The following EFCAB6 variants were observed in gnomAD, a reference collection of about 807,000 sequenced individuals.
EFCAB6 encodes the protein EF-hand calcium binding domain 6.
A neutral mutation model predicts 169.8 loss-of-function variants in EFCAB6; 156 were observed. The ratio of observed to expected loss-of-function variants is 0.92; its 90% CI spans 0.81 to 1.05. EFCAB6 has a LOEUF of 1.05. Among genes scored for constraint, EFCAB6 ranks in the 50% least tolerant of loss-of-function variants. EFCAB6 has a pLI of 0.00. For missense variants in EFCAB6, 1,800 were observed against 1,829.1 expected (o/e 0.98, Z 0.29); for synonymous variants, 698 against 676.4 (o/e 1.03, Z -0.50).
chr22:43,668,949 T>G lies in EFCAB6; in HGVS notation c.1737A>C (p.Pro579=). 1 of 1,613,570 alleles carries G rather than the reference T, an allele frequency of 6.2e-7. No homozygotes were observed. The highest frequency in any genetic ancestry group is 8.5e-7 in the Non-Finnish European group (1 of 1,179,756). The change falls in exon 16 of 32, where the codon CCA becomes CCC. Residue 579 remains proline, a synonymous_variant. Transcript: ENST00000262726. ...ACAGCTGATCCTTTGGAACAAGAACTGGAGAGACAGTGGGTGGGCCATCAA... is the reference window on the plus strand; with the variant it reads ...ACAGCTGATCCTTTGGAACAAGAACGGGAGAGACAGTGGGTGGGCCATCAA... ...IGIDGPPTVS[P]VLVPKDQLLS... is the part of the protein sequence containing the mutation.
intron 2 of EFCAB6, among the ~76,000 whole-genome samples, chr22:43,785,561 GA>G (rs35410222): frequency 0.24 from 36,587 of 151,848 alleles, 5,314 homozygotes; most frequent in East Asian, 0.61. Flanking sequence ...TTAAAAAGAA[GA>G]AAATCTCAAA....
intron 21 of EFCAB6, among the ~76,000 whole-genome samples, chr22:43,609,456 T>A (rs1451334024): frequency 6.6e-6 from 1 of 152,196 alleles, no homozygotes; most frequent in African/African-American, 2.4e-5. Flanking sequence ...AAGAGGTGAA[T>A]TTAGCAAGCA....
intron 22 of EFCAB6, among the ~76,000 whole-genome samples, chr22:43,607,560 T>C (rs2053011568): frequency 6.6e-6 from 1 of 152,232 alleles, no homozygotes; most frequent in Non-Finnish European, 1.5e-5. Context: ...AACTGGACCC[T>C]GTGTTGGAAC....
chr22:43,530,410 G>T, intron 31 of EFCAB6: 1 of 648,698 alleles, frequency 1.5e-6, no homozygotes, highest in Non-Finnish European at 1.9e-6. Flanking sequence ...GCAGGGGCAG[G>T]GCTCACTTTG....
chr22:43,655,118 G>A (rs1043629723), intron 17 of EFCAB6, among the ~76,000 whole-genome samples: 11 of 152,028 alleles, frequency 7.2e-5, no homozygotes, highest in African/African-American at 1.2e-4. Flanking sequence ...TTAGCTGGGC[G>A]TGGTGGCAGG....
At chr22:43,665,347 C>G (rs1308038926) in intron 17 of EFCAB6, among the ~76,000 whole-genome samples, 1 of 152,184 alleles carries the variant, frequency 6.6e-6, no homozygotes, top group Non-Finnish European at 1.5e-5. Context: ...AGGTAAGGAG[C>G]TGCTCTTGGA....
chr22:43,735,329 CCG>C (rs2060093243), intron 7 of EFCAB6, among the ~76,000 whole-genome samples: 1 of 148,360 alleles, frequency 6.7e-6, no homozygotes, highest in Non-Finnish European at 1.5e-5. Context: ...CACCCTCCTG[CCG>C]CACACCCCAC....
chr22:43,579,542 A>G (rs558075228), intron 25 of EFCAB6, among the ~76,000 whole-genome samples: 9 of 151,100 alleles, frequency 6.0e-5, no homozygotes, highest in African/African-American at 2.2e-4. Flanking sequence ...ATCATTCCGT[A>G]CACGCAGGCA....
chr22:43,784,676 T>TATACACACAC (rs1439765812), intron 2 of EFCAB6, among the ~76,000 whole-genome samples: 3 of 63,134 alleles, frequency 4.8e-5, no homozygotes, highest in African/African-American at 1.6e-4. Flanking sequence ...TATACATATA[T>TATACACACAC]ACACACACAC....
chr22:43,660,530 C>T (rs981451003), intron 17 of EFCAB6, among the ~76,000 whole-genome samples: 17 of 150,662 alleles, frequency 1.1e-4, no homozygotes, highest in Non-Finnish European at 4.4e-5. Flanking sequence ...AATAAGTATA[C>T]ATATTTATAT....
At chr22:43,708,944 T>C (rs1018284840) in intron 10 of EFCAB6, among the ~76,000 whole-genome samples, 2 of 151,996 alleles carry the variant, frequency 1.3e-5, no homozygotes, top group Admixed American at 6.6e-5. Flanking sequence ...AATCCCTAGG[T>C]CCCTCGCTAG....
intron 27 of EFCAB6, among the ~76,000 whole-genome samples, chr22:43,549,627 C>T (rs1330020548): frequency 6.6e-6 from 1 of 152,208 alleles, no homozygotes; most frequent in African/African-American, 2.4e-5. Flanking sequence ...CAGCTCCAAT[C>T]TTACCCAAAT....
Position 43,716,845 on chromosome 22 carries a change from T to C in EFCAB6, c.882+3A>G. 6.2e-7 allele frequency: 1 copy of C among 1,602,078 alleles called. No homozygotes were observed. The highest frequency in any genetic ancestry group is 1.1e-5 in the South Asian group (1 of 87,810). ...GTAATTGTGGCTTAGGAAAACATCT[T>C]ACTTGTAGACAAAAGTTCCTCTCAA... On this transcript the variant is annotated splice_donor_region_variant and intron_variant, in intron 9 of 31. Coordinates refer to ENST00000262726, the MANE Select transcript of EFCAB6 (RefSeq NM_022785.4).
intron 10 of EFCAB6, among the ~76,000 whole-genome samples, chr22:43,690,343 C>CAAA (rs137802): frequency 0.019 from 1,788 of 95,708 alleles, 41 homozygotes; most frequent in African/African-American, 0.03. Context: ...ACTAAAAATA[C>CAAA]AAAAAAAAAA....
At chr22:43,673,506 T>C (rs1374103938) in intron 13 of EFCAB6, among the ~76,000 whole-genome samples, 1 of 152,202 alleles carries the variant, frequency 6.6e-6, no homozygotes, top group East Asian at 1.9e-4. Flanking sequence ...CCAGGCACAG[T>C]GGCTCAAGCC....
At chr22:43,685,065 T>C (rs1333135587) in intron 11 of EFCAB6, among the ~76,000 whole-genome samples, 1 of 152,226 alleles carries the variant, frequency 6.6e-6, no homozygotes, top group African/African-American at 2.4e-5. Flanking sequence ...CAAAGCCAAA[T>C]TCTAGGCAAG....
intron 26 of EFCAB6, among the ~76,000 whole-genome samples, chr22:43,571,848 T>C (rs778033290): frequency 6.6e-6 from 1 of 152,220 alleles, no homozygotes; most frequent in Non-Finnish European, 1.5e-5. Context: ...TGCCATGTCA[T>C]GTTCCTTGCA....
Position 43,565,850 on chromosome 22 carries a change from CT to C in EFCAB6, c.3420+10446del, listed in dbSNP as rs57060368. On this transcript the variant is annotated intron_variant, in intron 26 of 31. Coordinates refer to ENST00000262726, the MANE Select transcript of EFCAB6 (RefSeq NM_022785.4). ...GAAACACTGAGTAAAGAATTCCTCA[CT>C]TCCTTTTAAAGAATGGTGTAATTAC... is the stretch of plus-strand genomic sequence containing the variant. Among the ~76,000 whole-genome samples the C allele has an allele frequency of 3.5e-3, 533 of 152,144 alleles. 2 individuals carry two copies. Among genetic ancestry groups the C allele is most frequent in the African/African-American group, 0.012 (511 of 41,514 alleles).
intron 10 of EFCAB6, among the ~76,000 whole-genome samples, chr22:43,692,004 T>C (rs2058430433): frequency 6.6e-6 from 1 of 152,100 alleles, no homozygotes; most frequent in Non-Finnish European, 1.5e-5. Context: ...ATAAGTAGCC[T>C]TTATGGCCTG....
Sources: allele counts gnomAD v4.1 joint callset (sites outside exome capture counted in the v4.1 genomes callset), GRCh38; gene constraint gnomAD v4.1.1; transcripts MANE v1.5; gene names NCBI Gene and HGNC (gene_info 2026-07-23, HGNC 2026-07-21).